The following USP32 variants were observed in gnomAD, a reference collection of about 807,000 sequenced individuals.
The protein encoded by USP32 is ubiquitin carboxyl-terminal hydrolase 32.
Under a neutral mutation model 204.8 loss-of-function variants are expected in USP32, and 59 were observed. The ratio of observed to expected loss-of-function variants is 0.29; its 90% CI spans 0.23 to 0.36. The LOEUF (loss-of-function observed/expected upper bound fraction) is 0.36. USP32 is among the 10% of genes least tolerant of loss of function. The pLI is 1.00. For synonymous variants in USP32, 517 were observed against 678.4 expected (o/e 0.76, Z 3.70); for missense variants, 1,160 against 1,946.4 (o/e 0.60, Z 7.60).
upstream of USP32, among the ~76,000 whole-genome samples, chr17:60,393,587 C>G (rs1031416354): frequency 6.6e-6 from 1 of 152,062 alleles, no homozygotes; most frequent in Non-Finnish European, 1.5e-5. Flanking sequence ...ACCCAAGGTG[C>G]CGGTTAGGTA....
chr17:60,201,407 T>A (rs555454722), intron 26 of USP32, among the ~76,000 whole-genome samples: 25 of 152,306 alleles, frequency 1.6e-4, no homozygotes, highest in African/African-American at 6.0e-4. Context: ...GGTGGATACC[T>A]ACAGGTAGAA....
At chr17:60,285,096 A>G (rs1598194534) in intron 5 of USP32, among the ~76,000 whole-genome samples, 1 of 152,338 alleles carries the variant, frequency 6.6e-6, no homozygotes, top group East Asian at 1.9e-4. Context: ...CTTTAACACA[A>G]CAAGGCATTT....
intron 2 of USP32, among the ~76,000 whole-genome samples, chr17:60,301,971 A>G (rs1359934747): frequency 6.6e-6 from 1 of 152,172 alleles, no homozygotes; most frequent in East Asian, 1.9e-4. Flanking sequence ...AGTGATACAC[A>G]TTCAGTAGAA....
chr17:60,377,151 T>C (rs1196613721), intron 1 of USP32, among the ~76,000 whole-genome samples: 1 of 152,104 alleles, frequency 6.6e-6, no homozygotes, highest in Non-Finnish European at 1.5e-5. Flanking sequence ...AGAACCTGCC[T>C]CCAGAAATAA....
intron 12 of USP32, among the ~76,000 whole-genome samples, chr17:60,235,323 A>G (rs2085692943): frequency 6.6e-6 from 1 of 152,340 alleles, no homozygotes; most frequent in South Asian, 2.1e-4. Flanking sequence ...TACAAGGTCC[A>G]GGAAGTCATT....
At chr17:60,372,189 A>G (rs1051966393) in intron 1 of USP32, among the ~76,000 whole-genome samples, 5 of 152,226 alleles carry the variant, frequency 3.3e-5, no homozygotes, top group African/African-American at 1.2e-4. Flanking sequence ...CTAAAAGAAT[A>G]CAAAGTGGTC....
At chr17:60,388,424 G>C (rs1453738668) in intron 1 of USP32, among the ~76,000 whole-genome samples, 2 of 152,068 alleles carry the variant, frequency 1.3e-5, no homozygotes, top group African/African-American at 4.8e-5. Context: ...AGATGTCTTA[G>C]AGTTCTAAAA....
intron 1 of USP32, among the ~76,000 whole-genome samples, chr17:60,354,980 G>A (rs2089034754): frequency 6.6e-6 from 1 of 152,214 alleles, no homozygotes; most frequent in Admixed American, 6.5e-5. Context: ...GGAGGTGGAA[G>A]TTGCAGTGAG....
intron 16 of USP32, among the ~76,000 whole-genome samples, chr17:60,216,305 A>C (rs956824410): frequency 7.9e-5 from 12 of 151,242 alleles, no homozygotes; most frequent in African/African-American, 2.9e-4. Context: ...AAAAAAAAAA[A>C]ACATCATTAA....
intron 2 of USP32, among the ~76,000 whole-genome samples, chr17:60,339,321 A>G (rs1278616256): frequency 2.6e-5 from 4 of 151,670 alleles, no homozygotes; most frequent in African/African-American, 9.7e-5. Context: ...GGTGGCTTAC[A>G]CCTGTAATCC....
chr17:60,345,230 C>T (rs1485037277), intron 2 of USP32, among the ~76,000 whole-genome samples: 1 of 152,068 alleles, frequency 6.6e-6, no homozygotes, highest in Non-Finnish European at 1.5e-5. Context: ...GGAAATGTTC[C>T]TATGATCATA....
At chr17:60,288,502 C>T in intron 5 of USP32, 21 bp downstream of exon 5, 1 of 1,565,660 alleles carries the variant, frequency 6.4e-7, no homozygotes, top group Non-Finnish European at 8.6e-7. Context: ...AAACAGAAAA[C>T]AATGAAATGT....
intron 2 of USP32, among the ~76,000 whole-genome samples, chr17:60,310,630 C>T (rs986437992): frequency 1.3e-5 from 2 of 151,944 alleles, no homozygotes; most frequent in Admixed American, 6.5e-5. Flanking sequence ...ACCCGGGAGG[C>T]GGAGGTTGCA....
chr17:60,194,034 C>G (rs1232030589), intron 27 of USP32, among the ~76,000 whole-genome samples: 1 of 152,036 alleles, frequency 6.6e-6, no homozygotes, highest in Non-Finnish European at 1.5e-5. Flanking sequence ...CCTGCTCCCC[C>G]TGCAGACTTT....
intron 1 of USP32, among the ~76,000 whole-genome samples, chr17:60,398,661 T>C (rs2089915078): frequency 6.6e-6 from 1 of 151,404 alleles, no homozygotes; most frequent in Non-Finnish European, 1.5e-5. Flanking sequence ...ACAAAGATGA[T>C]TTTTTTTTAA....
chr17:60,255,106 A>G (rs2086262832), intron 10 of USP32, 69 bp downstream of exon 10: 3 of 1,162,088 alleles, frequency 2.6e-6, no homozygotes, highest in South Asian at 2.8e-5. Context: ...TCTGGCTACT[A>G]TATGATGGAA....
chr17:60,210,534 T>C (rs1240757621), intron 21 of USP32, among the ~76,000 whole-genome samples: 1 of 152,242 alleles, frequency 6.6e-6, no homozygotes, highest in Non-Finnish European at 1.5e-5. Context: ...CTTGAACTCC[T>C]GGCCTCAAGT....
At position 60,178,698 on chromosome 17, in the gene USP32, A is replaced by G. The variant is rs1315406867; in HGVS notation, c.*557T>C. Among the ~76,000 whole-genome samples, 1 of 152,238 alleles carries G rather than the reference A, an allele frequency of 6.6e-6. No homozygotes were observed. Among genetic ancestry groups the G allele is most frequent in the Non-Finnish European group, 1.5e-5 (1 of 68,030 alleles). ...AACAAAAAGCAAGAAAGACAAAGAA[A>G]GGGTATGGAAACAGTTTAAAAAATA... On this transcript the variant is annotated 3_prime_UTR_variant, in exon 34 of 34. Coordinates refer to ENST00000300896, the MANE Select transcript of USP32 (RefSeq NM_032582.4).
chr17:60,336,333 T>C (rs1458641450), intron 2 of USP32, among the ~76,000 whole-genome samples: 1 of 143,088 alleles, frequency 7.0e-6, no homozygotes, highest in Non-Finnish European at 1.5e-5. Context: ...TTTTTAAAGT[T>C]CATATATGTT....
Sources: allele counts gnomAD v4.1 joint callset (sites outside exome capture counted in the v4.1 genomes callset), GRCh38; gene constraint gnomAD v4.1.1; transcripts MANE v1.5; gene names NCBI Gene and HGNC (gene_info 2026-07-23, HGNC 2026-07-21).